MYBPC2: variants seen among roughly 807,000 people sequenced by gnomAD.
MYBPC2 encodes myosin-binding protein C, fast-type.
A neutral mutation model predicts 137.0 loss-of-function variants in MYBPC2; 122 were observed. The observed-to-expected ratio is 0.89, with a 90% CI of 0.77 to 1.03. The LOEUF (loss-of-function observed/expected upper bound fraction) is 1.03. MYBPC2 is among the 50% of genes least tolerant of loss of function. The pLI, the probability that MYBPC2 is intolerant of heterozygous loss-of-function variation, is 0.00. For synonymous variants in MYBPC2, 626 were observed against 612.3 expected (o/e 1.02, Z -0.33); for missense variants, 1,500 against 1,534.4 (o/e 0.98, Z 0.37).
chr19:50,459,383 A>T, intron 23 of MYBPC2, 77 bp downstream of exon 23: 652 of 349,702 alleles, frequency 1.9e-3, no homozygotes, highest in Non-Finnish European at 2.5e-3. Flanking sequence ...GTAAGAGATG[A>T]GGGGTGGGGA....
At chr19:50,446,641 G>A (rs566417504) in intron 12 of MYBPC2, among the ~76,000 whole-genome samples, 241 of 150,924 alleles carry the variant, frequency 1.6e-3, no homozygotes, top group African/African-American at 5.4e-3. Context: ...CCAACATGGC[G>A]AAAACCCATC....
At position 50,455,264 on chromosome 19, in the gene MYBPC2, C is replaced by T. The variant is rs1568666048; in HGVS notation, c.2171C>T (p.Pro724Leu). Residue 724 changes from proline to leucine, a missense_variant, in exon 19 of 28, where the codon CCC becomes CTC. Coordinates refer to ENST00000357701, the MANE Select transcript of MYBPC2 (RefSeq NM_004533.4). ...FAVNAIGVSQ[P>L]SMNTKPFMPI... Reference sequence around the variant, plus strand: ...GTCAATGCTATAGGGGTCTCCCAGCCCAGCATGAACACCAAGCCTTTTATG... The same window carrying T: ...GTCAATGCTATAGGGGTCTCCCAGCTCAGCATGAACACCAAGCCTTTTATG... 6.2e-7 allele frequency: 1 copy of T among 1,613,750 alleles called. No individual in the cohort carries two copies. Among genetic ancestry groups the T allele is most frequent in the Admixed American group, 1.7e-5 (1 of 59,986 alleles).
Position 50,455,278 on chromosome 19 carries a change from A to C in MYBPC2, c.2185A>C (p.Lys729Gln). ...IGVSQPSMNT[K>Q]PFMPIAPTSE... The stretch of plus-strand genomic sequence containing the variant: ...GGTCTCCCAGCCCAGCATGAACACC[A>C]AGCCTTTTATGCCTATTGGTAATGT... Residue 729 changes from lysine (K) to glutamine (Q), a missense_variant, in exon 19 of 28, where the codon AAG (lysine) becomes CAG (glutamine). By Grantham distance (53) the Lys-to-Gln change is moderately conservative. Coordinates refer to ENST00000357701, the MANE Select transcript of MYBPC2 (RefSeq NM_004533.4). 6.2e-7 allele frequency: 1 copy of C among 1,613,600 alleles called. No homozygotes were observed. The highest frequency in any genetic ancestry group is 8.5e-7 in the Non-Finnish European group (1 of 1,179,704).
chr19:50,462,114 C>A, intron 26 of MYBPC2, 78 bp downstream of exon 26: 1 of 1,461,448 alleles, frequency 6.8e-7, no homozygotes, highest in South Asian at 1.4e-5. Context: ...CACTCCCCAT[C>A]ACGCCAGTTC....
chr19:50,466,045 G>A lies in MYBPC2; in HGVS notation c.3416-150G>A, dbSNP rs115836027. The A allele has an allele frequency of 8.6e-4, 897 of 1,046,806 alleles. 11 individuals are homozygous for A. In the African/African-American group the frequency reaches 0.013, roughly 15 times the overall value. 64.8% of individuals were successfully genotyped at this position (1,046,806 alleles called of 1,614,324 possible). A position where few individuals can be genotyped will look rare whatever the true frequency, so the allele number is the denominator to read the frequency against. On this transcript the variant is annotated intron_variant, in intron 27 of 27. Coordinates refer to ENST00000357701, the MANE Select transcript of MYBPC2 (RefSeq NM_004533.4). This position sits in a 1 kb window ranked among gnomAD's most constrained non-coding sequence, Gnocchi z 4.9. The stretch of plus-strand genomic sequence containing the variant: ...CAGTAATCAGGAGCACTGTGACTCT[G>A]GGTTGTCCAGCCACAGTGGCCTAGG...
chr19:50,437,367 G>A (rs2039713200), intron 5 of MYBPC2, 106 bp from the exon 6 acceptor site: 1 of 1,267,648 alleles, frequency 7.9e-7, no homozygotes, highest in Non-Finnish European at 1.1e-6. Context: ...AAGAGATGGA[G>A]AAAAGGGGGC....
chr19:50,455,474 A>C (rs1361083114), intron 19 of MYBPC2, 36 bp from the exon 20 acceptor site: 4 of 1,596,046 alleles, frequency 2.5e-6, no homozygotes, highest in Non-Finnish European at 3.4e-6. Context: ...CTGACCCCTC[A>C]TTCCCCCCAT....
Position 50,459,171 on chromosome 19 carries a change from G to C in MYBPC2, c.2656G>C (p.Val886Leu). ...KGGAPLDTSR[V>L]HVRTSDFDTV... is the part of the protein sequence containing the mutation. ...CGGGGCCCCGCTGGACACCTCCCGC[G>C]TGCACGTGCGGACCAGCGACTTCGA... Residue 886 changes from valine to leucine, a missense_variant, in exon 23 of 28, where the codon GTG becomes CTG. Coordinates refer to ENST00000357701, the MANE Select transcript of MYBPC2 (RefSeq NM_004533.4). 6.2e-7 allele frequency: 1 copy of C among 1,604,654 alleles called. No homozygotes were observed. The highest frequency in any genetic ancestry group is 1.1e-5 in the South Asian group (1 of 89,678).
chr19:50,443,774 A>G lies in MYBPC2; in HGVS notation c.1091A>G (p.Glu364Gly). 1 of 1,613,860 alleles carries G rather than the reference A, an allele frequency of 6.2e-7. No individual in the cohort carries two copies. Among genetic ancestry groups the G allele is most frequent in the South Asian group, 1.1e-5 (1 of 91,072 alleles). Residue 364 changes from glutamate to glycine, a missense_variant, in exon 11 of 28, where the codon GAA (glutamate) becomes GGA (glycine). Transcript: ENST00000357701. Reference protein sequence around the residue: ...DQQVFVGDRVEMAVEVSEEGA... With the variant: ...DQQVFVGDRVGMAVEVSEEGA... ...CAGGTGTTTGTGGGTGACCGGGTGG[A>G]AATGGCAGTGGAGGTGTCAGAAGAG...
chr19:50,455,371 GC>G, intron 19 of MYBPC2, 75 bp downstream of exon 19: 1 of 1,565,848 alleles, frequency 6.4e-7, no homozygotes, highest in Non-Finnish European at 8.7e-7. Flanking sequence ...TCCACCTCTG[GC>G]CCATCTTTTG....
chr19:50,454,059 C>T lies in MYBPC2; in HGVS notation c.1789C>T (p.Arg597Trp), dbSNP rs753131691. 2.6e-5 allele frequency: 42 copies of T among 1,608,656 alleles called. No individual in the cohort carries two copies. Among genetic ancestry groups the T allele is most frequent in the African/African-American group, 1.9e-4 (14 of 74,762 alleles). Residue 597 changes from arginine (R) to tryptophan (W), a missense_variant, in exon 17 of 28, where the codon CGG becomes TGG. Arg to Trp is a moderately radical substitution (Grantham distance 101, BLOSUM62 -3). Coordinates refer to ENST00000357701, the MANE Select transcript of MYBPC2 (RefSeq NM_004533.4). Reference sequence around the variant, plus strand: ...CGAGGGCAGGACCCGCATCGAGAAGCGGGTGGACTGCAGCAGCTTTGTGAT... The same window carrying T: ...CGAGGGCAGGACCCGCATCGAGAAGTGGGTGGACTGCAGCAGCTTTGTGAT... ...TTEGRTRIEK[R>W]VDCSSFVIES... is the part of the protein sequence containing the mutation.
Position 50,455,623 on chromosome 19 carries a change from GTGGAGTACTGCC to G in MYBPC2, c.2322_2333del (p.Tyr775_Glu778del). 6.2e-7 allele frequency: 1 copy of G among 1,613,988 alleles called. No individual in the cohort carries two copies. The highest frequency in any genetic ancestry group is 1.1e-5 in the South Asian group (1 of 91,084). ...GGCAGGTGGCATCGATGGGTACCTG[GTGGAGTACTGCC>G]TGGAAGGCTGTGAGTGACCCTGGCA... is the stretch of plus-strand genomic sequence containing the variant. On this transcript the variant is annotated inframe_deletion, in exon 20 of 28. Transcript: ENST00000357701.
At chr19:50,446,926 G>T (rs905621954) in intron 12 of MYBPC2, among the ~76,000 whole-genome samples, 48 of 151,160 alleles carry the variant, frequency 3.2e-4, no homozygotes, top group Non-Finnish European at 1.3e-4. Context: ...GGCAGAGGTT[G>T]CAGTGAGCCG....
At chr19:50,450,975 T>G (rs763043927) in intron 14 of MYBPC2, 40 bp downstream of exon 14, 8 of 1,531,646 alleles carry the variant, frequency 5.2e-6, no homozygotes, top group Middle Eastern at 3.3e-4. Flanking sequence ...GGCTGTAGGA[T>G]CCACCCTCGC....
At chr19:50,463,171 A>G (rs1314741179) in intron 26 of MYBPC2, among the ~76,000 whole-genome samples, 1 of 152,210 alleles carries the variant, frequency 6.6e-6, no homozygotes, top group Non-Finnish European at 1.5e-5. Context: ...CGGGCCAAGC[A>G]TATTTGTTTA....
chr19:50,458,657 C>A lies in MYBPC2; in HGVS notation c.2409C>A (p.Thr803=), dbSNP rs367630745. 10 of 1,612,824 alleles carry A rather than the reference C, an allele frequency of 6.2e-6. No individual in the cohort carries two copies. Among genetic ancestry groups the A allele is most frequent in the Non-Finnish European group, 7.6e-6 (9 of 1,179,888 alleles). ...GCTTCACCGTCAAGAATCTCCCGAC[C>A]GGAGCCAGAATCCTCTTCCGAGTAG... ...RCGFTVKNLP[T]GARILFRVVG... is the part of the protein sequence containing the mutation. Residue 803 remains threonine (T), a synonymous_variant, in exon 21 of 28, where the codon ACC becomes ACA. Coordinates refer to ENST00000357701, the MANE Select transcript of MYBPC2 (RefSeq NM_004533.4).
chr19:50,434,664 C>T (rs1673034), intron 1 of MYBPC2, among the ~76,000 whole-genome samples: 4,612 of 152,264 alleles, frequency 0.03, 244 homozygotes, highest in African/African-American at 0.1. Context: ...AATCATGCAC[C>T]GCTGGGCGGA....
intron 4 of MYBPC2, 51 bp from the exon 5 acceptor site, chr19:50,436,566 G>A (rs2039705417): frequency 6.8e-7 from 1 of 1,472,372 alleles, no homozygotes; most frequent in Non-Finnish European, 9.5e-7. Flanking sequence ...GGAATATGGG[G>A]TGGCTCTAGA....
intron 20 of MYBPC2, among the ~76,000 whole-genome samples, chr19:50,458,027 T>A (rs1474609192): frequency 2.0e-5 from 3 of 151,296 alleles, no homozygotes; most frequent in Non-Finnish European, 4.4e-5. Context: ...AGCACAGGGT[T>A]GAGGTAAGAA....
Sources: allele counts gnomAD v4.1 joint callset (sites outside exome capture counted in the v4.1 genomes callset), GRCh38; gene constraint gnomAD v4.1.1; non-coding constraint Gnocchi (gnomAD v3.1); transcripts MANE v1.5; gene names NCBI Gene and HGNC (gene_info 2026-07-23, HGNC 2026-07-21).